CDT1: variants seen among roughly 807,000 people sequenced by gnomAD.
CDT1 encodes chromatin licensing and DNA replication factor 1.
Under a neutral mutation model 49.3 loss-of-function variants are expected in CDT1, and 66 were observed. The ratio of observed to expected loss-of-function variants is 1.34; its 90% CI spans 1.10 to 1.64. CDT1 has a LOEUF of 1.64. CDT1 is among the 40% of genes most tolerant of loss of function. The pLI, the probability that CDT1 is intolerant of heterozygous loss-of-function variation, is 0.00. For synonymous variants in CDT1, 424 were observed against 347.4 expected, an observed-to-expected ratio of 1.22 and a Z score of -2.45; for missense variants, 958 against 807.7, an observed-to-expected ratio of 1.19 and a Z score of -2.26.
Position 88,808,142 on chromosome 16 carries a change from T to A in CDT1, c.1505T>A (p.Leu502His). ...PGEMEKHLLL[L>H]SELLPDWLSL... The stretch of plus-strand genomic sequence containing the variant: ...GAAATGGAGAAGCACCTGCTGCTCC[T>A]CTCCGAGCTGCTGCCGGACTGGCTC... Residue 502 changes from leucine (L) to histidine (H), a missense_variant, in exon 10 of 10, where the codon CTC (leucine) becomes CAC (histidine). Coordinates refer to ENST00000301019, the MANE Select transcript of CDT1 (RefSeq NM_030928.4). The A allele has an allele frequency of 6.2e-7, 1 of 1,612,736 alleles. No homozygotes were observed. Among genetic ancestry groups the A allele is most frequent in the Non-Finnish European group, 8.5e-7 (1 of 1,179,930 alleles).
At chr16:88,807,955 T>C (rs1908929850) in intron 9 of CDT1, among the ~76,000 whole-genome samples, 160 bp from the exon 10 acceptor site, 1 of 152,192 alleles carries the variant, frequency 6.6e-6, no homozygotes, top group Non-Finnish European at 1.5e-5. Context: ...CACCCAGACC[T>C]GGGCCTCTGA....
At chr16:88,806,711 G>A (rs1272576079) in intron 7 of CDT1, 37 bp downstream of exon 7, 1 of 1,561,238 alleles carries the variant, frequency 6.4e-7, no homozygotes, top group East Asian at 2.4e-5. Context: ...ATTTCTCCCG[G>A]GTGGGTGGGC....
At chr16:88,808,029 G>T in intron 9 of CDT1, 86 bp from the exon 10 acceptor site, 1 of 1,460,070 alleles carries the variant, frequency 6.8e-7, no homozygotes, top group South Asian at 1.2e-5. Flanking sequence ...CAGGCACAGA[G>T]GTTGGGTGGT....
rs765182594 is a variant in CDT1, at chr16:88,805,568, T to C, written c.617T>C (p.Met206Thr). ...CGCAGCATGGACACCATCGTGGGCATGCTCCACAACCGCTCCGAGACGCCC... is the reference window on the plus strand; with the variant it reads ...CGCAGCATGGACACCATCGTGGGCACGCTCCACAACCGCTCCGAGACGCCC... The part of the protein sequence containing the change: ...MFRSMDTIVG[M>T]LHNRSETPTF... Residue 206 changes from methionine to threonine, a missense_variant, in exon 4 of 10, where the codon ATG becomes ACG. Physicochemically the swap from Met to Thr is moderately conservative, Grantham distance 81. Coordinates refer to ENST00000301019, the MANE Select transcript of CDT1 (RefSeq NM_030928.4). 2 of 1,612,874 alleles carry C rather than the reference T, an allele frequency of 1.2e-6. No homozygotes were observed.
At position 88,803,936 on chromosome 16, in the gene CDT1, C is replaced by T. The variant is rs1368028633; in HGVS notation, c.105C>T (p.Pro35=). ...GCCGCACCCCCAGCCCCGCCAGGCC[C>T]GCACTCCGCGCCCCGGCCTCCGCTA... ...LACRTPSPAR[P]ALRAPASATS... The change falls in exon 1 of 10, where the codon CCC becomes CCT. Residue 35 remains proline (P), a synonymous_variant. Coordinates refer to ENST00000301019, the MANE Select transcript of CDT1 (RefSeq NM_030928.4). 2 of 1,397,432 alleles carry T rather than the reference C, an allele frequency of 1.4e-6. No homozygotes were observed. Among genetic ancestry groups the T allele is most frequent in the Admixed American group, 2.9e-5 (1 of 34,582 alleles). 86.6% of individuals were successfully genotyped at this position (1,397,432 alleles called of 1,614,324 possible). A position where few individuals can be genotyped will look rare whatever the true frequency, so the allele number is the denominator to read the frequency against.
chr16:88,805,022 G>A, intron 3 of CDT1, 124 bp downstream of exon 3: 6 of 1,322,328 alleles, frequency 4.5e-6, no homozygotes, highest in South Asian at 1.5e-5. Flanking sequence ...GAGGTCACCA[G>A]GGCGCGGACC....
In CDT1 at chr16:88,804,598, G is replaced by A. The variant is rs745592385; in HGVS notation, c.282G>A (p.Pro94=). The A allele has an allele frequency of 3.1e-6, 5 of 1,612,974 alleles. No homozygotes were observed. In the South Asian group the frequency reaches 4.4e-5, roughly 14 times the overall value. ...CAGACATCCCAGCCTGCCCTTCTCC[G>A]GGCCAGAAGATAAAGAAATCCACCC... ...EAPDIPACPS[P]GQKIKKSTPA... The change falls in exon 2 of 10, where the codon CCG becomes CCA. Residue 94 remains proline, a synonymous_variant. Coordinates refer to ENST00000301019, the MANE Select transcript of CDT1 (RefSeq NM_030928.4).
In CDT1 at chr16:88,805,849, T is replaced by A; in HGVS notation, c.812T>A (p.Ile271Asn). 1 of 1,612,770 alleles carries A rather than the reference T, an allele frequency of 6.2e-7. No homozygotes were observed. The highest frequency in any genetic ancestry group is 2.2e-5 in the East Asian group (1 of 44,876). The change falls in exon 5 of 10, where the codon ATC becomes AAC. Residue 271 changes from isoleucine to asparagine, a missense_variant. Ile to Asn is a moderately radical substitution (Grantham distance 149). Transcript: ENST00000301019. ...AGGAGGTCAGATTACCAGCTCACCA[T>A]CGAGCCACTGCTGGAGCAGGGTGAG... ...GTRRSDYQLT[I>N]EPLLEQEADG...
Position 88,804,915 on chromosome 16 carries a change from C to A in CDT1, c.488+17C>A, listed in dbSNP as rs769491654. Reference sequence around the variant, plus strand: ...GGAGCCATGGTGAGTGCTGGGTGGGCGGCCACGAGGCCCCGGCAAAGGCCG... The same window carrying A: ...GGAGCCATGGTGAGTGCTGGGTGGGAGGCCACGAGGCCCCGGCAAAGGCCG... On this transcript the variant is annotated intron_variant, in intron 3 of 9. Transcript: ENST00000301019. 1.3e-6 allele frequency: 2 copies of A among 1,542,422 alleles called. No homozygotes were observed. Among genetic ancestry groups the A allele is most frequent in the East Asian group, 2.4e-5 (1 of 40,994 alleles).
At chr16:88,807,615 T>TG in intron 9 of CDT1, 133 bp downstream of exon 9, 1 of 913,912 alleles carries the variant, frequency 1.1e-6, no homozygotes, top group Non-Finnish European at 1.7e-6. Context: ...GCTGGCCTCT[T>TG]GCACTGGTGT....
intron 3 of CDT1, 80 bp from the exon 4 acceptor site, chr16:88,805,360 C>T: frequency 6.5e-7 from 1 of 1,528,606 alleles, no homozygotes; most frequent in Non-Finnish European, 9.0e-7. Context: ...ATCGGAGGGT[C>T]TCCCTGGCCG....
At chr16:88,804,705 A>C (rs775723002) in intron 2 of CDT1, 38 bp downstream of exon 2, 1 of 1,611,982 alleles carries the variant, frequency 6.2e-7, no homozygotes, top group Non-Finnish European at 8.5e-7. Context: ...GGGAGGGCTG[A>C]GTGGTGCCGG....
chr16:88,806,458 G>A (rs1325225627), intron 6 of CDT1, 28 bp from the exon 7 acceptor site: 3 of 1,606,828 alleles, frequency 1.9e-6, no homozygotes, highest in Non-Finnish European at 1.7e-6. Flanking sequence ...GATGTGCCCA[G>A]GGTCACCCAT....
intron 7 of CDT1, 108 bp downstream of exon 7, chr16:88,806,782 C>T: frequency 2.8e-6 from 4 of 1,405,088 alleles, no homozygotes; most frequent in Non-Finnish European, 3.9e-6. Flanking sequence ...CCTCATCTGG[C>T]TTCCTCCTTG....
chr16:88,807,940 C>G (rs528322065), intron 9 of CDT1, among the ~76,000 whole-genome samples, 175 bp from the exon 10 acceptor site: 7 of 152,342 alleles, frequency 4.6e-5, no homozygotes, highest in Admixed American at 1.3e-4. Flanking sequence ...GGTCACTGTT[C>G]ACACCACCCA....
Position 88,803,837 on chromosome 16 carries a change from G to C in CDT1, c.6G>C (p.Glu2Asp). 6.6e-7 allele frequency: 1 copy of C among 1,510,436 alleles called. No homozygotes were observed. The highest frequency in any genetic ancestry group is 8.8e-7 in the Non-Finnish European group (1 of 1,130,122). 93.6% of individuals were successfully genotyped at this position (1,510,436 alleles called of 1,614,324 possible). The change falls in exon 1 of 10, where the codon GAG becomes GAC. Residue 2 changes from glutamate (E) to aspartate (D), a missense_variant. Coordinates refer to ENST00000301019, the MANE Select transcript of CDT1 (RefSeq NM_030928.4). ...TCGCCGCGCACTCCGCCGCCATGGA[G>C]CAGCGCCGCGTCACCGACTTCTTCG... Reference protein sequence around the residue: MEQRRVTDFFAR... With the variant: MDQRRVTDFFAR...
At chr16:88,806,971 G>T in intron 7 of CDT1, 80 bp from the exon 8 acceptor site, 4 of 1,564,048 alleles carry the variant, frequency 2.6e-6, no homozygotes, top group Non-Finnish European at 3.5e-6. Flanking sequence ...TGCCTTGAGA[G>T]ATACCGGGGA....
At chr16:88,804,254 T>C (rs1908759211) in intron 1 of CDT1, among the ~76,000 whole-genome samples, 195 bp downstream of exon 1, 1 of 151,616 alleles carries the variant, frequency 6.6e-6, no homozygotes, top group South Asian at 2.1e-4. Context: ...GGCTGGCTCC[T>C]GAGATGAGCA....
intron 7 of CDT1, among the ~76,000 whole-genome samples, 164 bp from the exon 8 acceptor site, chr16:88,806,887 C>T (rs1401713164): frequency 2.6e-5 from 4 of 152,254 alleles, no homozygotes; most frequent in Non-Finnish European, 4.4e-5. Flanking sequence ...GGGGAGTTGG[C>T]CTGGGCAGGC....
Sources: allele counts gnomAD v4.1 joint callset (sites outside exome capture counted in the v4.1 genomes callset), GRCh38; gene constraint gnomAD v4.1.1; transcripts MANE v1.5; gene names NCBI Gene and HGNC (gene_info 2026-07-23, HGNC 2026-07-21).